Variants in ZNF407 observed in about 807,000 individuals in gnomAD.
The protein encoded by ZNF407 is zinc finger protein 407.
Under a neutral mutation model 131.2 loss-of-function variants are expected in ZNF407, and 17 were observed. That is an observed-to-expected ratio of 0.13 (90% CI 0.09 to 0.19). The LOEUF (loss-of-function observed/expected upper bound fraction) is 0.19. Among genes scored for constraint, ZNF407 ranks in the 10% least tolerant of loss-of-function variants. The pLI is 1.00. For missense variants in ZNF407, 2,681 were observed against 2,830.6 expected (o/e 0.95, Z 1.20); for synonymous variants, 1,156 against 1,062.0 (o/e 1.09, Z -1.72).
chr18:74,884,788 T>A (rs1448197914), intron 6 of ZNF407, among the ~76,000 whole-genome samples: 3 of 152,182 alleles, frequency 2.0e-5, no homozygotes, highest in Non-Finnish European at 2.9e-5. Flanking sequence ...CAGAGTTTTT[T>A]AAGAGGTTAT....
chr18:74,977,312 C>T (rs186161135), intron 8 of ZNF407, among the ~76,000 whole-genome samples: 4 of 152,326 alleles, frequency 2.6e-5, no homozygotes, highest in African/African-American at 9.6e-5. Flanking sequence ...AGCCTAAAAC[C>T]AACCAGTCAT....
intron 3 of ZNF407, among the ~76,000 whole-genome samples, chr18:74,658,822 A>G (rs757140427): frequency 2.6e-5 from 4 of 152,296 alleles, no homozygotes; most frequent in Non-Finnish European, 4.4e-5. Context: ...CATTTATTCA[A>G]CTATGATAGT....
chr18:74,854,128 A>G (rs577738887), intron 4 of ZNF407, among the ~76,000 whole-genome samples: 10 of 152,304 alleles, frequency 6.6e-5, no homozygotes, highest in Non-Finnish European at 1.0e-4. Context: ...GTCTTGCACC[A>G]CAGTATCCAC....
At chr18:74,879,008 T>TAA (rs1205798281) in intron 5 of ZNF407, among the ~76,000 whole-genome samples, 5 of 151,586 alleles carry the variant, frequency 3.3e-5, no homozygotes, top group Admixed American at 2.0e-4. Context: ...ATCATACACA[T>TAA]AAAAAAATCA....
chr18:74,715,649 A>G (rs915667872), intron 3 of ZNF407, among the ~76,000 whole-genome samples: 11 of 152,240 alleles, frequency 7.2e-5, no homozygotes, highest in Non-Finnish European at 1.6e-4. Context: ...GGTTACCCAT[A>G]CAACATTTTT....
intron 4 of ZNF407, among the ~76,000 whole-genome samples, chr18:74,860,719 G>T (rs1260260175): frequency 6.6e-6 from 1 of 152,008 alleles, no homozygotes; most frequent in Non-Finnish European, 1.5e-5. Context: ...TAAGAAGTAG[G>T]TTAATTAATA....
intron 7 of ZNF407, among the ~76,000 whole-genome samples, chr18:74,892,839 G>A (rs1045482048): frequency 2.6e-5 from 4 of 152,040 alleles, no homozygotes; most frequent in African/African-American, 9.7e-5. Flanking sequence ...GCCGTTTTCA[G>A]GCTTTTACCC....
At position 74,780,569 on chromosome 18, in the gene ZNF407, T is replaced by G. The variant is rs1243775240; in HGVS notation, c.4803-859T>G. 5.9e-5 allele frequency among the ~76,000 whole-genome samples: 9 copies of G among 152,300 alleles called. No homozygotes were observed. The East Asian group carries it at 1.7e-3, about 29-fold the overall frequency. ...TGCCTTTCAGCTATTAGTAATTAACTTTATGAAGGACAGCTGTAATACATA... is the reference window on the plus strand; with the variant it reads ...TGCCTTTCAGCTATTAGTAATTAACGTTATGAAGGACAGCTGTAATACATA... On this transcript the variant is annotated intron_variant, in intron 3 of 8. Transcript: ENST00000299687.
chr18:74,611,275 C>A (rs887935403), intron 1 of ZNF407, among the ~76,000 whole-genome samples: 5 of 152,114 alleles, frequency 3.3e-5, no homozygotes, highest in African/African-American at 9.7e-5. Context: ...AGGAAAAGAT[C>A]AATATGTTTG....
At chr18:74,749,538 C>T (rs1292297319) in intron 3 of ZNF407, among the ~76,000 whole-genome samples, 1 of 152,004 alleles carries the variant, frequency 6.6e-6, no homozygotes, top group Non-Finnish European at 1.5e-5. Context: ...TCCATACTGT[C>T]TTTGTTATCT....
chr18:74,960,922 A>T (rs1417481862), intron 8 of ZNF407, among the ~76,000 whole-genome samples: 4 of 148,442 alleles, frequency 2.7e-5, no homozygotes, highest in Non-Finnish European at 4.5e-5. Context: ...GGGTGAAGGG[A>T]TAGGAGAAGG....
chr18:74,835,919 C>T (rs1313192177), intron 4 of ZNF407, among the ~76,000 whole-genome samples: 1 of 151,434 alleles, frequency 6.6e-6, no homozygotes, highest in South Asian at 2.1e-4. Context: ...ACCAGTAGCA[C>T]CTGCTGCAGT....
At chr18:74,870,993 C>T (rs892269119) in intron 4 of ZNF407, among the ~76,000 whole-genome samples, 8 of 152,154 alleles carry the variant, frequency 5.3e-5, no homozygotes, top group Non-Finnish European at 8.8e-5. Context: ...CAGATGTTTC[C>T]TGGACCCAAA....
chr18:74,763,413 G>A (rs1969146168), intron 3 of ZNF407, among the ~76,000 whole-genome samples: 1 of 151,174 alleles, frequency 6.6e-6, no homozygotes, highest in South Asian at 2.1e-4. Context: ...TTTAGAAGGG[G>A]AGAATTAAAA....
rs561728336 is a variant in ZNF407, at chr18:74,883,849, C to T, written c.5128+2730C>T. ...TTTGAGCCAAGATTACTGCTTGTAA[C>T]GGAAAGTGTGAAAAGCAAAACAATT... On this transcript the variant is annotated intron_variant, in intron 6 of 8. Coordinates refer to ENST00000299687, the MANE Select transcript of ZNF407 (RefSeq NM_017757.3). 5.9e-5 allele frequency among the ~76,000 whole-genome samples: 9 copies of T among 152,210 alleles called. No homozygotes were observed. The South Asian group carries it at 1.7e-3, about 28-fold the overall frequency.
Position 74,631,440 on chromosome 18 carries a change from G to C in ZNF407, c.421G>C (p.Asp141His), listed in dbSNP as rs754223992. 6 of 1,613,918 alleles carry C rather than the reference G, an allele frequency of 3.7e-6. No individual in the cohort carries two copies. In the African/African-American group the frequency reaches 8.0e-5, roughly 22 times the overall value. ...CCCTTCTTGCAATTTTAGCACTATT[G>C]ATGTTGTTTCTCTGAAAACAGACAC... ...LSPSCNFSTI[D>H]VVSLKTDTEK... Residue 141 changes from aspartate to histidine, a missense_variant, in exon 2 of 9, where the codon GAT becomes CAT. Coordinates refer to ENST00000299687, the MANE Select transcript of ZNF407 (RefSeq NM_017757.3).
At chr18:74,900,493 G>A (rs1971509764) in intron 7 of ZNF407, among the ~76,000 whole-genome samples, 1 of 152,224 alleles carries the variant, frequency 6.6e-6, no homozygotes, top group Admixed American at 6.5e-5. Flanking sequence ...ACAGAAGCTT[G>A]TGTTGACTGT....
intron 8 of ZNF407, among the ~76,000 whole-genome samples, chr18:74,974,198 C>T (rs72981581): frequency 0.23 from 34,565 of 152,032 alleles, 5,182 homozygotes; most frequent in African/African-American, 0.41. Context: ...TCGAAGTAGA[C>T]GATTTTTCTT....
At chr18:74,656,260 CTG>C (rs1985451478) in intron 3 of ZNF407, among the ~76,000 whole-genome samples, 1 of 151,914 alleles carries the variant, frequency 6.6e-6, no homozygotes, top group Non-Finnish European at 1.5e-5. Flanking sequence ...ATAAAAATAA[CTG>C]ATTTATTTTT....
Sources: gnomAD v4.1 joint callset for allele counts (sites outside exome capture counted in the v4.1 genomes callset) on GRCh38, gnomAD v4.1.1 for gene constraint, MANE v1.5 for transcripts, NCBI Gene and HGNC (gene_info 2026-07-23, HGNC 2026-07-21) for gene names.